DNAJC6: variants seen among roughly 807,000 people sequenced by gnomAD.
DNAJC6 encodes auxilin.
A neutral mutation model predicts 110.0 loss-of-function variants in DNAJC6; 34 were observed. The ratio of observed to expected loss-of-function variants is 0.31; its 90% CI spans 0.24 to 0.41. The LOEUF (loss-of-function observed/expected upper bound fraction) is 0.41. Ranked by LOEUF, DNAJC6 falls within the 10% of genes least tolerant of loss-of-function variation. The pLI is 1.00. For synonymous variants in DNAJC6, 406 were observed against 437.2 expected, an observed-to-expected ratio of 0.93 and a Z score of 0.89; for missense variants, 1,031 against 1,207.8, an observed-to-expected ratio of 0.85 and a Z score of 2.17.
At chr1:65,297,254 A>G (rs1276861034) in intron 1 of DNAJC6, among the ~76,000 whole-genome samples, 1 of 152,180 alleles carries the variant, frequency 6.6e-6, no homozygotes, top group Admixed American at 6.5e-5. Flanking sequence ...CTTGAGGGAA[A>G]TTAGCTGGTC....
chr1:65,294,237 T>G (rs1644906853), intron 1 of DNAJC6, among the ~76,000 whole-genome samples: 1 of 152,198 alleles, frequency 6.6e-6, no homozygotes, highest in South Asian at 2.1e-4. Context: ...TCTTTCCATT[T>G]TATAGGTGAA....
chr1:65,310,592 G>C (rs1645090006), intron 1 of DNAJC6, among the ~76,000 whole-genome samples: 1 of 152,116 alleles, frequency 6.6e-6, no homozygotes, highest in Non-Finnish European at 1.5e-5. Context: ...TTTTGCTTGA[G>C]TGTACAGATT....
chr1:65,387,306 T>TA (rs1380699709), intron 8 of DNAJC6, among the ~76,000 whole-genome samples: 1 of 152,228 alleles, frequency 6.6e-6, no homozygotes, highest in Admixed American at 6.5e-5. Context: ...AAAATTGAGA[T>TA]AAAACCACAT....
chr1:65,331,593 C>T (rs1645288810), intron 1 of DNAJC6, among the ~76,000 whole-genome samples: 1 of 152,166 alleles, frequency 6.6e-6, no homozygotes, highest in South Asian at 2.1e-4. Flanking sequence ...CAGTTTGATG[C>T]CAGACAGACC....
intron 1 of DNAJC6, among the ~76,000 whole-genome samples, chr1:65,283,354 T>C (rs561697661): frequency 2.0e-5 from 3 of 152,288 alleles, no homozygotes; most frequent in African/African-American, 7.2e-5. Context: ...TCCATCTTTA[T>C]AATTATGTTA....
At chr1:65,283,867 C>T (rs1653928534) in intron 1 of DNAJC6, among the ~76,000 whole-genome samples, 1 of 152,210 alleles carries the variant, frequency 6.6e-6, no homozygotes, top group South Asian at 2.1e-4. Context: ...TGTAGTGATA[C>T]ATTGACTTTT....
At chr1:65,380,921 G>GTTTTTTTTTTTTTTTTTTTTTTTTTT (rs1162044500) in intron 5 of DNAJC6, among the ~76,000 whole-genome samples, 1 of 99,354 alleles carries the variant, frequency 1.0e-5, no homozygotes, top group African/African-American at 5.4e-5. Flanking sequence ...GTTTTGTTTT[G>GTTTTTTTTTTTTTTTTTTTTTTTTTT]TTTTTTTTTT....
Position 65,392,378 on chromosome 1 carries a change from C to G in DNAJC6, c.1469-53C>G, listed in dbSNP as rs372341995. Reference sequence around the variant, plus strand: ...TATATACATATATTATAACAAAAACCAACAATGCTGTGGTCAGCAACTAAT... The same window carrying G: ...TATATACATATATTATAACAAAAACGAACAATGCTGTGGTCAGCAACTAAT... On this transcript the variant is annotated intron_variant, in intron 11 of 18. Transcript: ENST00000371069. 1.5e-5 allele frequency: 22 copies of G among 1,478,450 alleles called. No individual in the cohort carries two copies. In the African/African-American group the frequency reaches 2.4e-4, roughly 16 times the overall value. 91.6% of individuals were successfully genotyped at this position (1,478,450 alleles called of 1,614,324 possible).
In DNAJC6 at chr1:65,366,040, T is replaced by C; in HGVS notation, c.395-8T>C. 3.1e-6 allele frequency: 5 copies of C among 1,613,734 alleles called. No individual in the cohort carries two copies. Among genetic ancestry groups the C allele is most frequent in the Non-Finnish European group, 4.2e-6 (5 of 1,179,738 alleles). Reference sequence around the variant, plus strand: ...ACCTGTTTTCTTTCTGTGTGATCTCTCTCCTAGTGATGTCCTTTCCTCTGG... The same window carrying C: ...ACCTGTTTTCTTTCTGTGTGATCTCCCTCCTAGTGATGTCCTTTCCTCTGG... On this transcript the variant is annotated splice_region_variant and splice_polypyrimidine_tract_variant and intron_variant, in intron 3 of 18. Coordinates refer to ENST00000371069, the MANE Select transcript of DNAJC6 (RefSeq NM_001256864.2).
chr1:65,311,617 G>A (rs1017583161), intron 1 of DNAJC6, among the ~76,000 whole-genome samples: 2 of 152,134 alleles, frequency 1.3e-5, no homozygotes, highest in Non-Finnish European at 2.9e-5. Flanking sequence ...TTGACTGGAT[G>A]TAATCTCCTT....
intron 1 of DNAJC6, among the ~76,000 whole-genome samples, chr1:65,282,881 T>C (rs1217947405): frequency 1.3e-5 from 2 of 152,194 alleles, no homozygotes; most frequent in African/African-American, 4.8e-5. Flanking sequence ...CAATTATACC[T>C]CCAGTGTTTG....
intron 4 of DNAJC6, among the ~76,000 whole-genome samples, chr1:65,370,304 A>G (rs1167686066): frequency 6.6e-6 from 1 of 152,216 alleles, no homozygotes; most frequent in Non-Finnish European, 1.5e-5. Flanking sequence ...ATAAAATTTC[A>G]GTGGCATTAA....
At chr1:65,324,799 GA>G (rs1645227750) in intron 1 of DNAJC6, among the ~76,000 whole-genome samples, 1 of 152,306 alleles carries the variant, frequency 6.6e-6, no homozygotes, top group Non-Finnish European at 1.5e-5. Context: ...ATAGTGGGGG[GA>G]ACTGTTACTG....
chr1:65,327,050 G>A lies in DNAJC6; in HGVS notation c.193+17112G>A, dbSNP rs369274757. On this transcript the variant is annotated intron_variant, in intron 1 of 18. Coordinates refer to ENST00000371069, the MANE Select transcript of DNAJC6 (RefSeq NM_001256864.2). ...GAAGGGTCTATATAACTATAACAAA[G>A]TATGAGATAGACAGTACAGGTAAAA... is the stretch of plus-strand genomic sequence containing the variant. Among the ~76,000 whole-genome samples the A allele has an allele frequency of 6.6e-5, 10 of 152,268 alleles. No individual in the cohort carries two copies. The East Asian group carries it at 9.6e-4, about 15-fold the overall frequency.
chr1:65,357,155 GATTTCTATCCCACAGTTGTCA>G (rs1645551623), intron 1 of DNAJC6, among the ~76,000 whole-genome samples: 1 of 152,132 alleles, frequency 6.6e-6, no homozygotes, highest in Admixed American at 6.5e-5. Context: ...TAGTTTCAGG[GATTTCTATCCCACAGTTGTCA>G]ATTTTATAGA....
chr1:65,321,790 A>G (rs1166141639), intron 1 of DNAJC6, among the ~76,000 whole-genome samples: 5 of 152,220 alleles, frequency 3.3e-5, no homozygotes, highest in Non-Finnish European at 5.9e-5. Flanking sequence ...GTCTTCTGCC[A>G]TATTGGGACA....
chr1:65,301,975 CAGAG>C (rs141225122), intron 1 of DNAJC6, among the ~76,000 whole-genome samples: 14 of 144,772 alleles, frequency 9.7e-5, no homozygotes, highest in Admixed American at 2.8e-4. Context: ...GGTAGAACAT[CAGAG>C]AGAGAGAGAG....
chr1:65,345,881 G>A (rs1296028338), intron 1 of DNAJC6, among the ~76,000 whole-genome samples: 2 of 152,162 alleles, frequency 1.3e-5, no homozygotes, highest in Non-Finnish European at 1.5e-5. Context: ...ACAAGGGAGG[G>A]TAGTGGCCAG....
intron 5 of DNAJC6, among the ~76,000 whole-genome samples, chr1:65,382,568 C>T (rs1645831743): frequency 6.6e-6 from 1 of 152,112 alleles, no homozygotes; most frequent in Non-Finnish European, 1.5e-5. Flanking sequence ...AATGTAAAGT[C>T]CTGAATTCTG....
Sources: gnomAD v4.1 joint callset for allele counts (sites outside exome capture counted in the v4.1 genomes callset) on GRCh38, gnomAD v4.1.1 for gene constraint, MANE v1.5 for transcripts, NCBI Gene and HGNC (gene_info 2026-07-23, HGNC 2026-07-21) for gene names.